Variants in MACROD2 observed in about 807,000 individuals in gnomAD.
MACROD2 encodes ADP-ribose glycohydrolase MACROD2.
A neutral mutation model predicts 70.4 loss-of-function variants in MACROD2; 36 were observed. The observed-to-expected ratio is 0.51, with a 90% CI of 0.39 to 0.68. The LOEUF (loss-of-function observed/expected upper bound fraction) is 0.68. Among genes scored for constraint, MACROD2 ranks in the 30% least tolerant of loss-of-function variants. The pLI, the probability that MACROD2 is intolerant of heterozygous loss-of-function variation, is 0.00. For missense variants in MACROD2, 496 were observed against 538.4 expected (o/e 0.92, Z 0.78); for synonymous variants, 172 against 178.8 (o/e 0.96, Z 0.30).
intron 10 of MACROD2, among the ~76,000 whole-genome samples, chr20:15,886,302 C>T (rs925927586): frequency 6.6e-6 from 1 of 152,146 alleles, no homozygotes; most frequent in African/African-American, 2.4e-5. Flanking sequence ...TTGTTCATGG[C>T]CACCTTTATG....
chr20:15,990,861 A>C (rs893439549), intron 15 of MACROD2, among the ~76,000 whole-genome samples: 8 of 152,140 alleles, frequency 5.3e-5, no homozygotes, highest in Non-Finnish European at 7.4e-5. Flanking sequence ...CATGAACTCA[A>C]AATTGCAATT....
intron 5 of MACROD2, among the ~76,000 whole-genome samples, chr20:14,934,405 C>T (rs2423854): frequency 0.63 from 96,169 of 151,984 alleles, 30,846 homozygotes; most frequent in South Asian, 0.75. Flanking sequence ...TGTAATCCTA[C>T]GCACCTTCAA....
At chr20:14,423,398 G>T (rs937316618) in intron 3 of MACROD2, among the ~76,000 whole-genome samples, 1 of 151,336 alleles carries the variant, frequency 6.6e-6, no homozygotes, top group Non-Finnish European at 1.5e-5. Context: ...AGGCGGTGGG[G>T]GTGTTTAAGA....
intron 5 of MACROD2, among the ~76,000 whole-genome samples, chr20:15,088,402 TATATATA>T (rs2075765898): frequency 1.2e-3 from 2 of 1,602 alleles, no homozygotes; most frequent in Admixed American, 0.013. Context: ...ATATTTTATA[TATATATA>T]TATATATATA....
At chr20:14,605,299 C>T (rs972859997) in intron 4 of MACROD2, among the ~76,000 whole-genome samples, 11 of 152,026 alleles carry the variant, frequency 7.2e-5, no homozygotes, top group African/African-American at 2.7e-4. Context: ...CATGCTGGTC[C>T]CCTTGCTCCT....
intron 5 of MACROD2, among the ~76,000 whole-genome samples, chr20:14,696,713 C>T (rs2071130160): frequency 6.6e-6 from 1 of 152,092 alleles, no homozygotes; most frequent in Admixed American, 6.5e-5. Context: ...TGGAGTTTTG[C>T]AAGTTCTTTT....
At chr20:14,890,787 A>C (rs1359629029) in intron 5 of MACROD2, among the ~76,000 whole-genome samples, 1 of 151,362 alleles carries the variant, frequency 6.6e-6, no homozygotes, top group Non-Finnish European at 1.5e-5. Flanking sequence ...AATTAAAAAA[A>C]AAAGAAAGAA....
At chr20:15,358,939 T>A (rs1309662983) in intron 6 of MACROD2, among the ~76,000 whole-genome samples, 1 of 152,114 alleles carries the variant, frequency 6.6e-6, no homozygotes, top group Non-Finnish European at 1.5e-5. Flanking sequence ...CTTCAAGATA[T>A]GAATTTTGGG....
At chr20:14,833,858 A>G (rs1279563162) in intron 5 of MACROD2, among the ~76,000 whole-genome samples, 1 of 152,146 alleles carries the variant, frequency 6.6e-6, no homozygotes, top group Non-Finnish European at 1.5e-5. Context: ...ATAGCTTAGT[A>G]AATTGCATAA....
At chr20:14,281,620 A>G (rs2082306631) in intron 3 of MACROD2, among the ~76,000 whole-genome samples, 5 of 152,122 alleles carry the variant, frequency 3.3e-5, no homozygotes, top group Admixed American at 3.3e-4. Context: ...ATTTTATGGT[A>G]TGTGAGTTAT....
intron 6 of MACROD2, among the ~76,000 whole-genome samples, chr20:15,357,846 G>C (rs376249011): frequency 7.0e-6 from 1 of 142,368 alleles, no homozygotes; most frequent in Non-Finnish European, 1.5e-5. Context: ...TTGCTGTGTC[G>C]CCCAGGCTGG....
chr20:14,325,428 G>T, intron 3 of MACROD2: 2 of 906,642 alleles, frequency 2.2e-6, no homozygotes, highest in Non-Finnish European at 1.6e-6. Context: ...AAATTATATG[G>T]CAAATGTACA....
intron 5 of MACROD2, among the ~76,000 whole-genome samples, chr20:15,030,972 A>C (rs2075270044): frequency 6.6e-6 from 1 of 152,142 alleles, no homozygotes; most frequent in South Asian, 2.1e-4. Flanking sequence ...ATCAGGGTGC[A>C]CTTGGCTCGC....
chr20:15,921,105 C>T (rs1439479620), intron 10 of MACROD2, among the ~76,000 whole-genome samples: 1 of 152,148 alleles, frequency 6.6e-6, no homozygotes, highest in African/African-American at 2.4e-5. Flanking sequence ...TGAGAGAGAA[C>T]CCACCCATGG....
At chr20:15,092,644 C>G in intron 5 of MACROD2, among the ~76,000 whole-genome samples, 1 of 151,748 alleles carries the variant, frequency 6.6e-6, no homozygotes. Flanking sequence ...CTTCAAGTTT[C>G]TTGATATTTC....
chr20:15,364,361 C>G (rs949745236), intron 6 of MACROD2, among the ~76,000 whole-genome samples: 5 of 152,204 alleles, frequency 3.3e-5, no homozygotes, highest in African/African-American at 1.2e-4. Context: ...GATTCCTGCC[C>G]TATTGTTCCT....
chr20:15,149,447 T>C (rs2076253169), intron 5 of MACROD2, among the ~76,000 whole-genome samples: 1 of 150,836 alleles, frequency 6.6e-6, no homozygotes, highest in Non-Finnish European at 1.5e-5. Flanking sequence ...ATCAGAGAGA[T>C]GCAGTCATAG....
At chr20:15,834,485 C>A (rs1472618226) in intron 8 of MACROD2, among the ~76,000 whole-genome samples, 1 of 152,078 alleles carries the variant, frequency 6.6e-6, no homozygotes, top group Non-Finnish European at 1.5e-5. Context: ...TTTTCATTGC[C>A]TTATCCGTTG....
chr20:15,980,224 A>G (rs548257164), intron 13 of MACROD2, among the ~76,000 whole-genome samples: 1 of 152,374 alleles, frequency 6.6e-6, no homozygotes, highest in South Asian at 2.1e-4. Flanking sequence ...AGGCAGGCCC[A>G]GGCCTGGTTT....
Sources: gnomAD v4.1 joint callset for allele counts (sites outside exome capture counted in the v4.1 genomes callset) on GRCh38, gnomAD v4.1.1 for gene constraint, MANE v1.5 for transcripts, NCBI Gene and HGNC (gene_info 2026-07-23, HGNC 2026-07-21) for gene names.